NCOR2: variants seen among roughly 807,000 people sequenced by gnomAD.
NCOR2 encodes the protein CTG repeat protein 26.
Under a neutral mutation model 262.9 loss-of-function variants are expected in NCOR2, and 81 were observed. The ratio of observed to expected loss-of-function variants is 0.31; its 90% CI spans 0.26 to 0.37. NCOR2 has a LOEUF of 0.37. Among genes scored for constraint, NCOR2 ranks in the 10% least tolerant of loss-of-function variants. The pLI, the probability that NCOR2 is intolerant of heterozygous loss-of-function variation, is 1.00. For synonymous variants in NCOR2, 1,659 were observed against 1,559.3 expected (o/e 1.06, Z -1.51); for missense variants, 3,385 against 3,621.4 (o/e 0.93, Z 1.68).
chr12:124,499,978 G>A (rs1056264716), upstream of NCOR2, among the ~76,000 whole-genome samples: 13 of 152,092 alleles, frequency 8.5e-5, no homozygotes, highest in Non-Finnish European at 1.3e-4. Flanking sequence ...TGCAGGCCGA[G>A]GAAACAGCTC....
Position 124,457,271 on chromosome 12 carries a change from G to A in NCOR2, c.706-109C>T. The A allele has an allele frequency of 1.6e-6, 2 of 1,232,040 alleles. No homozygotes were observed. The highest frequency in any genetic ancestry group is 2.2e-4 in the Middle Eastern group (1 of 4,494). The allele number at this position is 1,232,040 out of a possible 1,614,324, so 76.3% of individuals were successfully genotyped here. The stretch of plus-strand genomic sequence containing the variant: ...GCACCTGCCCAGCCCAGTCCAGCAT[G>A]CTGATCCTCAGCACGGGGGAGGGAG... On this transcript the variant is annotated intron_variant, in intron 5 of 46. Transcript: ENST00000405201. The surrounding 1 kb of genome is among the most constrained non-coding windows in gnomAD (Gnocchi z 4.0).
intron 28 of NCOR2, among the ~76,000 whole-genome samples, chr12:124,349,852 G>A (rs1051849624): frequency 6.6e-6 from 1 of 152,096 alleles, no homozygotes. Context: ...ACCAGGGCAT[G>A]AGCTGGCACC....
At chr12:124,343,571 C>T (rs145648144) in intron 32 of NCOR2, among the ~76,000 whole-genome samples, 1 of 152,040 alleles carries the variant, frequency 6.6e-6, no homozygotes, top group Admixed American at 6.6e-5. Context: ...AGGTGATAAA[C>T]TAGCAAACAA....
chr12:124,369,249 A>G (rs533094759), intron 20 of NCOR2, among the ~76,000 whole-genome samples: 1 of 152,312 alleles, frequency 6.6e-6, no homozygotes, highest in East Asian at 1.9e-4. Context: ...TGAAGCCACT[A>G]TCTCTGGTCG....
chr12:124,337,531 A>G (rs908956109), intron 37 of NCOR2, among the ~76,000 whole-genome samples: 1 of 152,250 alleles, frequency 6.6e-6, no homozygotes, highest in Non-Finnish European at 1.5e-5. Context: ...CAAGCTCTAC[A>G]GAGCCTGGTA....
intron 1 of NCOR2, among the ~76,000 whole-genome samples, chr12:124,524,987 C>G (rs888016057): frequency 2.0e-5 from 3 of 152,210 alleles, no homozygotes; most frequent in Non-Finnish European, 4.4e-5. Flanking sequence ...AAATTAAAAC[C>G]ATGTAAATAC....
At position 124,351,955 on chromosome 12, in the gene NCOR2, G is replaced by C. The variant is rs1458150971; in HGVS notation, c.3694-1218C>G. Among the ~76,000 whole-genome samples the C allele has an allele frequency of 2.0e-5, 3 of 152,206 alleles. No homozygotes were observed. The East Asian group carries it at 5.8e-4, about 29-fold the overall frequency. The stretch of plus-strand genomic sequence containing the variant: ...TTGGCTGGGGACATCCCCTGGCAGA[G>C]GGCAGCACCTGGTACCCCGGGGAGT... On this transcript the variant is annotated intron_variant, in intron 27 of 46. Transcript: ENST00000405201.
intron 1 of NCOR2, among the ~76,000 whole-genome samples, chr12:124,489,942 T>C (rs949033782): frequency 2.0e-5 from 3 of 152,118 alleles, no homozygotes; most frequent in African/African-American, 7.2e-5. Flanking sequence ...GTCAAGGGAA[T>C]GCCTGGGATT....
At chr12:124,501,233 C>T (rs1593853457) in intron 1 of NCOR2, among the ~76,000 whole-genome samples, 1 of 152,074 alleles carries the variant, frequency 6.6e-6, no homozygotes, top group Admixed American at 6.5e-5. Flanking sequence ...GACAGGCAGG[C>T]CCCAGGAGCC....
chr12:124,342,618 T>G (rs2135831747), intron 33 of NCOR2, among the ~76,000 whole-genome samples: 1 of 152,318 alleles, frequency 6.6e-6, no homozygotes, highest in East Asian at 1.9e-4. Flanking sequence ...TCCGCCTGCC[T>G]CGGCCTCCCA....
chr12:124,385,386 G>A (rs948712485), intron 17 of NCOR2, among the ~76,000 whole-genome samples: 4 of 152,154 alleles, frequency 2.6e-5, no homozygotes, highest in African/African-American at 4.8e-5. Context: ...ATTCCAACGC[G>A]CTGACAGCCC....
intron 18 of NCOR2, among the ~76,000 whole-genome samples, chr12:124,374,996 A>G (rs938551416): frequency 6.6e-6 from 1 of 152,214 alleles, no homozygotes; most frequent in Admixed American, 6.5e-5. Flanking sequence ...CAACAGCAGC[A>G]ACGCTGGCTG....
intron 31 of NCOR2, among the ~76,000 whole-genome samples, chr12:124,345,690 A>C (rs1199012612): frequency 6.6e-6 from 1 of 152,210 alleles, no homozygotes; most frequent in Non-Finnish European, 1.5e-5. Flanking sequence ...GATGCTTCCA[A>C]GGACTCCATA....
chr12:124,341,140 C>G (rs1170351137), intron 34 of NCOR2, among the ~76,000 whole-genome samples: 4 of 152,216 alleles, frequency 2.6e-5, no homozygotes, highest in African/African-American at 9.7e-5. Flanking sequence ...CTTGGTTATT[C>G]CAGAAGCATT....
chr12:124,497,298 G>C (rs2048428301), upstream of NCOR2, among the ~76,000 whole-genome samples: 1 of 152,200 alleles, frequency 6.6e-6, no homozygotes, highest in South Asian at 2.1e-4. The surrounding 1 kb of genome is among the most constrained non-coding windows in gnomAD (Gnocchi z 4.2). Flanking sequence ...GGCTTTCCCA[G>C]CCCCGAGACA....
intron 11 of NCOR2, 100 bp downstream of exon 13, chr12:124,426,522 C>G (rs1009465099): frequency 2.2e-5 from 27 of 1,218,060 alleles, no homozygotes; most frequent in Admixed American, 2.8e-5. Context: ...TTAAGCACCC[C>G]CCGGCATGCT....
intron 1 of NCOR2, among the ~76,000 whole-genome samples, chr12:124,501,174 C>T (rs1419055806): frequency 5.3e-5 from 8 of 152,072 alleles, no homozygotes; most frequent in South Asian, 2.1e-4. Context: ...GGCGGAACCA[C>T]GGCGGGAACA....
At chr12:124,365,579 C>T (rs956292618) in intron 20 of NCOR2, among the ~76,000 whole-genome samples, 42 of 152,346 alleles carry the variant, frequency 2.8e-4, no homozygotes, top group Admixed American at 7.2e-4. Flanking sequence ...ATCTGCCACA[C>T]GCTCAGCTGA....
chr12:124,548,918 A>T lies in NCOR2; in HGVS notation c.-164-13307T>A, dbSNP rs1377812023. On this transcript the variant is annotated intron_variant, in intron 1 of 32. Transcript: ENST00000458234. This position sits in a 1 kb window ranked among gnomAD's most constrained non-coding sequence, Gnocchi z 5.1. ...CTTTCTCGCGAATCCACGCTTACTC[A>T]TTCTGAGTGGGAGCCAGCCACTCCT... Among the ~76,000 whole-genome samples the T allele has an allele frequency of 1.3e-5, 2 of 151,878 alleles. No individual in the cohort carries two copies. The highest frequency in any genetic ancestry group is 2.4e-5 in the African/African-American group (1 of 41,344).
Sources: allele counts gnomAD v4.1 joint callset (sites outside exome capture counted in the v4.1 genomes callset), GRCh38; gene constraint gnomAD v4.1.1; non-coding constraint Gnocchi (gnomAD v3.1); transcripts MANE v1.5; gene names NCBI Gene and HGNC (gene_info 2026-07-23, HGNC 2026-07-21).